Variants in EXO1 observed in about 807,000 individuals in gnomAD.
EXO1 encodes exonuclease 1.
In EXO1, 69 loss-of-function variants were observed where a neutral mutation model predicts 84.5. That is an observed-to-expected ratio of 0.82 (90% confidence interval 0.67 to 1.00). The LOEUF (loss-of-function observed/expected upper bound fraction) is 1.00. Among genes scored for constraint, EXO1 ranks in the 50% least tolerant of loss-of-function variants. The pLI is 0.00. For synonymous variants in EXO1, 373 were observed against 366.1 expected, an observed-to-expected ratio of 1.02 and a Z score of -0.21; for missense variants, 1,045 against 1,000.7, an observed-to-expected ratio of 1.04 and a Z score of -0.60.
At chr1:241,885,232 A>ATAAG (rs1553275175) in intron 14 of EXO1, 82 bp from the exon 15 acceptor site, 14 of 779,842 alleles carry the variant, frequency 1.8e-5, no homozygotes, top group Non-Finnish European at 2.7e-5. Context: ...AAATAAATAA[A>ATAAG]TAAGTAAAGA....
chr1:241,877,533 A>G (rs1662469453), intron 12 of EXO1, among the ~76,000 whole-genome samples: 1 of 152,284 alleles, frequency 6.6e-6, no homozygotes, highest in South Asian at 2.1e-4. Flanking sequence ...AAGGATAGAA[A>G]GGATTTTTAC....
At chr1:241,871,171 C>A (rs1012033962) in intron 11 of EXO1, among the ~76,000 whole-genome samples, 4 of 152,228 alleles carry the variant, frequency 2.6e-5, no homozygotes, top group African/African-American at 9.6e-5. Flanking sequence ...CAAGGACTCA[C>A]AATTCCCTGC....
At chr1:241,854,108 C>G (rs1304889088) in intron 6 of EXO1, among the ~76,000 whole-genome samples, 1 of 152,046 alleles carries the variant, frequency 6.6e-6, no homozygotes, top group African/African-American at 2.4e-5. Context: ...CTTTTTAGAG[C>G]CTGCTTGGTT....
chr1:241,868,042 A>T (rs1661850980), intron 11 of EXO1, among the ~76,000 whole-genome samples: 1 of 151,640 alleles, frequency 6.6e-6, no homozygotes, highest in Non-Finnish European at 1.5e-5. Flanking sequence ...GGAGTTCAAG[A>T]CCAGGCTTGG....
chr1:241,886,041 C>T (rs1229966414), intron 15 of EXO1, among the ~76,000 whole-genome samples: 1 of 152,000 alleles, frequency 6.6e-6, no homozygotes, highest in African/African-American at 2.4e-5. Context: ...TTAATAGACA[C>T]GAGGTTTCTC....
intron 12 of EXO1, among the ~76,000 whole-genome samples, chr1:241,878,472 G>T (rs1013514013): frequency 7.0e-5 from 10 of 143,884 alleles, no homozygotes; most frequent in Non-Finnish European, 1.4e-4. Flanking sequence ...ACTCCAGCCT[G>T]GTGACAGAGA....
intron 11 of EXO1, among the ~76,000 whole-genome samples, chr1:241,868,468 G>A (rs1661881309): frequency 6.6e-6 from 1 of 150,856 alleles, no homozygotes; most frequent in South Asian, 2.1e-4. Context: ...TACTAGTTCA[G>A]AATACATTAT....
At position 241,852,528 on chromosome 1, in the gene EXO1, C is replaced by G. The variant is rs917931096; in HGVS notation, c.281+117C>G. The G allele has an allele frequency of 2.5e-5, 22 of 892,140 alleles. No individual in the cohort carries two copies. In the African/African-American group the frequency reaches 3.4e-4, roughly 14 times the overall value. The allele number at this position is 892,140 out of a possible 1,614,324, so 55.3% of individuals were successfully genotyped here. On this transcript the variant is annotated intron_variant, in intron 5 of 15. Transcript: ENST00000366548. ...GGCTCAGTGGCTTGCACCTGTTGTC[C>G]TAGGTACTCGGGAGGTTGAGGCAAG...
At chr1:241,860,752 T>G in intron 9 of EXO1, 48 bp downstream of exon 9, 1 of 1,485,234 alleles carries the variant, frequency 6.7e-7, no homozygotes, top group Non-Finnish European at 9.4e-7. Flanking sequence ...TTTTCTTCAA[T>G]ATTTTTATGG....
intron 6 of EXO1, among the ~76,000 whole-genome samples, chr1:241,854,056 T>A (rs1466890351): frequency 6.6e-6 from 1 of 152,178 alleles, no homozygotes; most frequent in Non-Finnish European, 1.5e-5. Flanking sequence ...TTCCTGTAAA[T>A]CTTAGTGTCA....
intron 14 of EXO1, among the ~76,000 whole-genome samples, chr1:241,884,423 G>A (rs1397170965): frequency 4.6e-5 from 7 of 151,988 alleles, no homozygotes; most frequent in Non-Finnish European, 1.0e-4. Flanking sequence ...TCTCCATTCT[G>A]TCCACAGGGT....
At chr1:241,852,224 C>T (rs576491624) in intron 4 of EXO1, 68 bp from the exon 5 acceptor site, 150 of 1,399,634 alleles carry the variant, frequency 1.1e-4, no homozygotes, top group Non-Finnish European at 1.4e-4. Flanking sequence ...TCTCATCTGG[C>T]CTAAAATAGA....
rs751980406 is a variant in EXO1, at chr1:241,853,396, T to C, written c.320T>C (p.Leu107Pro). 1.9e-6 allele frequency: 3 copies of C among 1,613,926 alleles called. No individual in the cohort carries two copies. Among genetic ancestry groups the C allele is most frequent in the Admixed American group, 1.7e-5 (1 of 59,998 alleles). The change falls in exon 6 of 16, where the codon CTT becomes CCT. Residue 107 changes from leucine to proline, a missense_variant. Coordinates refer to ENST00000366548, the MANE Select transcript of EXO1 (RefSeq NM_130398.4). ...QANLLKGKQL[L>P]REGKVSEARE... The stretch of plus-strand genomic sequence containing the variant: ...AATCTTCTTAAGGGAAAGCAACTTC[T>C]TCGTGAGGGGAAAGTCTCGGAAGCT...
chr1:241,871,431 T>A (rs1458644298), intron 11 of EXO1, among the ~76,000 whole-genome samples: 1 of 152,196 alleles, frequency 6.6e-6, no homozygotes, highest in East Asian at 1.9e-4. Flanking sequence ...TACTTACCTG[T>A]CTCAGATTTT....
In EXO1 at chr1:241,857,378, G is replaced by C. The variant is rs756758949; in HGVS notation, c.439G>C (p.Ala147Pro). Residue 147 changes from alanine to proline, a missense_variant, in exon 7 of 16, where the codon GCT becomes CCT. By Grantham distance (27) the Ala-to-Pro change is conservative. Coordinates refer to ENST00000366548, the MANE Select transcript of EXO1 (RefSeq NM_130398.4). ...GTCTCAGGGGGTAGATTGCCTCGTG[G>C]CTCCCTATGAAGCTGATGCGCAGTT... ...ARSQGVDCLV[A>P]PYEADAQLAY... The C allele has an allele frequency of 1.2e-6, 2 of 1,613,866 alleles. No individual in the cohort carries two copies. The highest frequency in any genetic ancestry group is 1.7e-6 in the Non-Finnish European group (2 of 1,179,888).
At position 241,889,594 on chromosome 1, in the gene EXO1, C is replaced by G. The variant is rs369825858; in HGVS notation, c.2535C>G (p.Phe845Leu). Residue 845 changes from phenylalanine (F) to leucine (L), a missense_variant, in exon 16 of 16, where the codon TTC becomes TTG. Phe to Leu is a conservative substitution (Grantham distance 22). Coordinates refer to ENST00000366548, the MANE Select transcript of EXO1 (RefSeq NM_130398.4). ...GTGGCCGTGTTCAAAGAGCAATATTCCAGTAAATGCAGACTGCTGCAAAGC... is the reference window on the plus strand; with the variant it reads ...GTGGCCGTGTTCAAAGAGCAATATTGCAGTAAATGCAGACTGCTGCAAAGC... The part of the protein sequence containing the change: ...PECGRVQRAI[F>L]Q 1.2e-6 allele frequency: 2 copies of G among 1,613,922 alleles called. No homozygotes were observed. The highest frequency in any genetic ancestry group is 1.7e-5 in the Admixed American group (1 of 60,006).
At chr1:241,856,709 A>G (rs1661067919) in intron 6 of EXO1, among the ~76,000 whole-genome samples, 1 of 152,204 alleles carries the variant, frequency 6.6e-6, no homozygotes, top group African/African-American at 2.4e-5. Flanking sequence ...GAACATAGCC[A>G]TTCTTAAGAT....
intron 6 of EXO1, among the ~76,000 whole-genome samples, chr1:241,855,107 T>C (rs921880468): frequency 3.3e-5 from 5 of 152,158 alleles, no homozygotes; most frequent in Non-Finnish European, 7.4e-5. Context: ...GCTTCCATGG[T>C]GTGGAAGGGG....
intron 13 of EXO1, 139 bp from the exon 14 acceptor site, chr1:241,881,777 T>A (rs973872557): frequency 1.9e-6 from 1 of 528,768 alleles, no homozygotes; most frequent in African/African-American, 1.9e-5. Context: ...TATCATCCTT[T>A]CCATATTATT....
Sources: gnomAD v4.1 joint callset for allele counts (sites outside exome capture counted in the v4.1 genomes callset) on GRCh38, gnomAD v4.1.1 for gene constraint, MANE v1.5 for transcripts, NCBI Gene and HGNC (gene_info 2026-07-23, HGNC 2026-07-21) for gene names.